Variants in MET observed in about 807,000 individuals in gnomAD.
MET encodes hepatocyte growth factor receptor.
Under a neutral mutation model 133.1 loss-of-function variants are expected in MET, and 48 were observed. The observed-to-expected ratio is 0.36, with a 90% CI of 0.29 to 0.46. MET has a LOEUF of 0.46. MET is among the 20% of genes least tolerant of loss of function. The probability of loss-of-function intolerance (pLI) is 1.00; values close to 1 mark genes in which losing one functional copy is unlikely to be tolerated. For synonymous variants in MET, 628 were observed against 616.5 expected, an observed-to-expected ratio of 1.02 and a Z score of -0.28; for missense variants, 1,442 against 1,695.9, an observed-to-expected ratio of 0.85 and a Z score of 2.63.
chr7:116,748,112 C>T (rs377153244), intron 5 of MET, among the ~76,000 whole-genome samples: 122 of 152,212 alleles, frequency 8.0e-4, no homozygotes, highest in African/African-American at 2.4e-3. Context: ...GGCATGGTGG[C>T]GGGCGCCTGT....
At chr7:116,760,468 A>C (rs1314904039) in intron 10 of MET, among the ~76,000 whole-genome samples, 1 of 152,040 alleles carries the variant, frequency 6.6e-6, no homozygotes, top group Non-Finnish European at 1.5e-5. Flanking sequence ...GATTCCATAC[A>C]TTTTGTTGAT....
intron 3 of MET, among the ~76,000 whole-genome samples, chr7:116,736,904 A>G (rs2116811852): frequency 6.6e-6 from 1 of 152,364 alleles, no homozygotes; most frequent in South Asian, 2.1e-4. Flanking sequence ...GTTCCTAGAA[A>G]TATCTCCATG....
intron 19 of MET, among the ~76,000 whole-genome samples, chr7:116,795,026 A>G (rs575062595): frequency 6.0e-4 from 92 of 152,354 alleles, no homozygotes; most frequent in East Asian, 1.7e-3. Flanking sequence ...ATCTTCCTAT[A>G]TAGTACTGAT....
At chr7:116,689,694 C>T (rs957882896) in intron 1 of MET, among the ~76,000 whole-genome samples, 1 of 150,666 alleles carries the variant, frequency 6.6e-6, no homozygotes, top group South Asian at 2.1e-4. Context: ...TCAGCTTCCA[C>T]AGTAGCTGGG....
chr7:116,715,596 C>T (rs768452749), intron 2 of MET, among the ~76,000 whole-genome samples: 36 of 152,308 alleles, frequency 2.4e-4, no homozygotes, highest in Non-Finnish European at 3.4e-4. Context: ...AGACATTATT[C>T]GGCCTACTGT....
chr7:116,673,768 A>G (rs550030690), intron 1 of MET, among the ~76,000 whole-genome samples: 169 of 152,328 alleles, frequency 1.1e-3, no homozygotes, highest in Non-Finnish European at 1.9e-3. Flanking sequence ...AAACAGTGTA[A>G]GTGGTGCTTG....
chr7:116,672,355 C>T lies in MET; in HGVS notation c.-237C>T, dbSNP rs1796002470. ...TGGGAAGGGGCGGAGGGAGTGCGGC[C>T]GGCGGGCGGGCGGGGCGCTGGGCTC... On this transcript the variant is annotated 5_prime_UTR_variant, in exon 1 of 21. Coordinates refer to ENST00000397752, the MANE Select transcript of MET (RefSeq NM_000245.4). 5.9e-6 allele frequency: 2 copies of T among 337,486 alleles called. No homozygotes were observed. The highest frequency in any genetic ancestry group is 4.4e-5 in the African/African-American group (2 of 45,958). The allele number at this position is 337,486 out of a possible 1,614,324, so 20.9% of individuals were successfully genotyped here.
intron 2 of MET, among the ~76,000 whole-genome samples, chr7:116,713,846 C>A (rs1366019118): frequency 6.6e-6 from 1 of 152,204 alleles, no homozygotes; most frequent in Non-Finnish European, 1.5e-5. Context: ...ACATTTATCA[C>A]CTGTTTCTAT....
rs374050750 is a variant in MET, at chr7:116,699,226, G to A, written c.142G>A (p.Ala48Thr). The part of the protein sequence containing the change: ...NMKYQLPNFT[A>T]ETPIQNVILH... ...GAAGTATCAGCTTCCCAACTTCACC[G>A]CGGAAACACCCATCCAGAATGTCAT... The change falls in exon 2 of 21, where the codon GCG becomes ACG. Residue 48 changes from alanine to threonine, a missense_variant. Physicochemically the swap from Ala to Thr is moderately conservative, Grantham distance 58 (BLOSUM62 0). Transcript: ENST00000397752. 262 of 1,613,944 alleles carry A rather than the reference G, an allele frequency of 1.6e-4. No individual in the cohort carries two copies. Among genetic ancestry groups the A allele is most frequent in the Non-Finnish European group, 2.1e-4 (246 of 1,179,902 alleles).
rs201111132 is a variant in MET at position 116,778,813 on chromosome 7, C to T, written c.3378C>T (p.Thr1126=). The part of the protein sequence containing the change: ...TDIGEVSQFL[T]EGIIMKDFSH... ...TAGGAGAAGTTTCCCAATTTCTGAC[C>T]GAGGGAATCATCATGAAAGATTTTA... Residue 1126 remains threonine (T), a synonymous_variant, in exon 17 of 21, where the codon ACC becomes ACT. Coordinates refer to ENST00000397752, the MANE Select transcript of MET (RefSeq NM_000245.4). The T allele has an allele frequency of 1.2e-5, 19 of 1,613,854 alleles. No individual in the cohort carries two copies. The highest frequency in any genetic ancestry group is 1.7e-4 in the Middle Eastern group (1 of 6,046).
intron 2 of MET, among the ~76,000 whole-genome samples, chr7:116,721,580 G>C (rs1287870131): frequency 6.6e-6 from 1 of 152,022 alleles, no homozygotes; most frequent in Non-Finnish European, 1.5e-5. Context: ...TGATGTTAGG[G>C]TGTCAATTTT....
rs886061946 is a variant in MET at position 116,796,345 on chromosome 7, G to A, written c.*221G>A. 1.7e-5 allele frequency: 10 copies of A among 578,066 alleles called. No individual in the cohort carries two copies. In the Admixed American group the frequency reaches 2.1e-4, roughly 12 times the overall value. 35.8% of individuals were successfully genotyped at this position (578,066 alleles called of 1,614,324 possible). A position where few individuals can be genotyped will look rare whatever the true frequency, so the allele number is the denominator to read the frequency against. ...GGCCACGGACCAATGGCCTGCAGCCGTGACAACACTCCTGTCATATTGGAG... is the reference window on the plus strand; with the variant it reads ...GGCCACGGACCAATGGCCTGCAGCCATGACAACACTCCTGTCATATTGGAG... On this transcript the variant is annotated 3_prime_UTR_variant, in exon 21 of 21. Transcript: ENST00000397752.
intron 5 of MET, among the ~76,000 whole-genome samples, chr7:116,752,754 A>T (rs1793975645): frequency 6.6e-6 from 1 of 152,132 alleles, no homozygotes; most frequent in African/African-American, 2.4e-5. Flanking sequence ...TTTGCCTTTT[A>T]TAGAAAGTGA....
chr7:116,746,147 G>T (rs542560043), intron 5 of MET, among the ~76,000 whole-genome samples: 1 of 152,304 alleles, frequency 6.6e-6, no homozygotes, highest in South Asian at 2.1e-4. Context: ...CTCAAAAGAA[G>T]ACATTTATGC....
At chr7:116,750,814 G>GA (rs557923392) in intron 5 of MET, among the ~76,000 whole-genome samples, 1 of 152,050 alleles carries the variant, frequency 6.6e-6, no homozygotes, top group Non-Finnish European at 1.5e-5. Context: ...AAAAACATAT[G>GA]AAAAAAAGCT....
intron 10 of MET, among the ~76,000 whole-genome samples, chr7:116,760,411 G>A (rs1055195554): frequency 2.6e-5 from 4 of 152,140 alleles, no homozygotes; most frequent in Non-Finnish European, 5.9e-5. Flanking sequence ...TCACATTAAA[G>A]TGGTAGTTTT....
intron 2 of MET, among the ~76,000 whole-genome samples, chr7:116,712,703 C>G (rs958141288): frequency 2.0e-5 from 3 of 151,960 alleles, no homozygotes; most frequent in Non-Finnish European, 2.9e-5. Flanking sequence ...CCGTCCCCCC[C>G]ACACACACCC....
intron 11 of MET, among the ~76,000 whole-genome samples, chr7:116,769,316 A>G (rs1290103534): frequency 6.6e-6 from 1 of 152,178 alleles, no homozygotes; most frequent in African/African-American, 2.4e-5. Context: ...TTTGCCAAAC[A>G]TTGATACCCC....
chr7:116,711,977 C>G (rs1228112656), intron 2 of MET, among the ~76,000 whole-genome samples: 2 of 152,128 alleles, frequency 1.3e-5, no homozygotes, highest in Admixed American at 6.5e-5. Flanking sequence ...CAAGGTACCA[C>G]TGAAACAGCG....
Sources: gnomAD v4.1 joint callset for allele counts (sites outside exome capture counted in the v4.1 genomes callset) on GRCh38, gnomAD v4.1.1 for gene constraint, MANE v1.5 for transcripts, NCBI Gene and HGNC (gene_info 2026-07-23, HGNC 2026-07-21) for gene names.